The following TRAPPC10 variants were observed in gnomAD, a reference collection of about 807,000 sequenced individuals.
TRAPPC10 encodes the protein trafficking protein particle complex subunit 10.
A neutral mutation model predicts 125.5 loss-of-function variants in TRAPPC10; 23 were observed. The observed-to-expected ratio is 0.18, with a 90% CI of 0.13 to 0.26. TRAPPC10 has a LOEUF of 0.26. Ranked by LOEUF, TRAPPC10 falls within the 10% of genes least tolerant of loss-of-function variation. The pLI, the probability that TRAPPC10 is intolerant of heterozygous loss-of-function variation, is 1.00. For missense variants in TRAPPC10, 1,123 were observed against 1,308.4 expected (o/e 0.86, Z 2.19); for synonymous variants, 509 against 518.0 (o/e 0.98, Z 0.24).
rs2034099205 is a variant in TRAPPC10, at chr21:44,037,798, T to C, written c.156T>C (p.Tyr52=). The C allele has an allele frequency of 6.2e-7, 1 of 1,613,518 alleles. No homozygotes were observed. Among genetic ancestry groups the C allele is most frequent in the East Asian group, 2.2e-5 (1 of 44,886 alleles). Residue 52 remains tyrosine, a synonymous_variant, in exon 3 of 23, where the codon TAT becomes TAC. Coordinates refer to ENST00000291574, the MANE Select transcript of TRAPPC10 (RefSeq NM_003274.5). ...PREPMEWRRS[Y]GRAPKMIHLE... is the part of the protein sequence containing the mutation. ...TTCAAACAATTGTTTACAGGTCCTA[T>C]GGCCGGGCTCCGAAGATGATTCACC...
At chr21:44,052,508 T>C (rs1247262819) in intron 4 of TRAPPC10, 32 bp downstream of exon 4, 5 of 1,561,908 alleles carry the variant, frequency 3.2e-6, no homozygotes. Flanking sequence ...CCTCATTTGG[T>C]TAATACTTGA....
chr21:44,038,624 T>C (rs375173783), intron 3 of TRAPPC10, among the ~76,000 whole-genome samples: 8 of 152,150 alleles, frequency 5.3e-5, no homozygotes, highest in African/African-American at 1.7e-4. Context: ...ACTTCTTCTG[T>C]CGTGAACTAA....
intron 1 of TRAPPC10, among the ~76,000 whole-genome samples, chr21:44,017,748 T>G (rs2032032216): frequency 6.6e-6 from 1 of 152,010 alleles, no homozygotes; most frequent in African/African-American, 2.4e-5. Context: ...TTTTTTTTTT[T>G]TCTTCTTCTT....
chr21:44,024,377 A>T (rs553405122), intron 1 of TRAPPC10, among the ~76,000 whole-genome samples: 1 of 152,188 alleles, frequency 6.6e-6, no homozygotes, highest in Non-Finnish European at 1.5e-5. Context: ...GAGCATTTCT[A>T]ACAAATGCCC....
intron 1 of TRAPPC10, among the ~76,000 whole-genome samples, chr21:44,027,519 C>T (rs1352575239): frequency 1.3e-5 from 2 of 152,182 alleles, no homozygotes; most frequent in Non-Finnish European, 2.9e-5. Context: ...GGAAGGAGCA[C>T]TGGGCAGTAT....
At chr21:44,054,549 A>G (rs768366562) in intron 4 of TRAPPC10, among the ~76,000 whole-genome samples, 8 of 152,256 alleles carry the variant, frequency 5.3e-5, no homozygotes, top group Admixed American at 2.0e-4. Context: ...TTTATTAATC[A>G]TCTTTCTAGA....
intron 7 of TRAPPC10, among the ~76,000 whole-genome samples, chr21:44,072,662 T>C (rs1404806156): frequency 2.6e-5 from 4 of 152,036 alleles, no homozygotes; most frequent in African/African-American, 9.7e-5. Context: ...TGGGGTTTCA[T>C]CATATTGGTC....
rs757655518 is a variant in TRAPPC10 at position 44,084,257 on chromosome 21, C to T, written c.2374C>T (p.Leu792=). Residue 792 remains leucine (L), a synonymous_variant, in exon 15 of 23, where the codon CTG becomes TTG. Coordinates refer to ENST00000291574, the MANE Select transcript of TRAPPC10 (RefSeq NM_003274.5). ...SQEPQLHVEP[L]ADSLLAGIPQ... is the part of the protein sequence containing the mutation. The stretch of plus-strand genomic sequence containing the variant: ...GGAGCCCCAGCTGCACGTGGAGCCG[C>T]TGGCTGGTGAGTGGGGTCCCCAGCC... The T allele has an allele frequency of 2.5e-6, 4 of 1,613,454 alleles. No homozygotes were observed. The highest frequency in any genetic ancestry group is 3.4e-6 in the Non-Finnish European group (4 of 1,179,860).
At chr21:44,080,828 C>T (rs913981864) in intron 13 of TRAPPC10, among the ~76,000 whole-genome samples, 16 of 151,232 alleles carry the variant, frequency 1.1e-4, no homozygotes, top group Admixed American at 7.2e-4. Context: ...TGTGAGCCAC[C>T]GCACCCAGTC....
intron 12 of TRAPPC10, 105 bp from the exon 13 acceptor site, chr21:44,079,910 C>G (rs753660874): frequency 5.9e-5 from 68 of 1,154,616 alleles, no homozygotes; most frequent in Non-Finnish European, 6.6e-5. Context: ...AAAAAAAGCC[C>G]TTTGGCTTTT....
intron 3 of TRAPPC10, among the ~76,000 whole-genome samples, chr21:44,038,671 A>C (rs2034177421): frequency 6.6e-6 from 1 of 152,082 alleles, no homozygotes; most frequent in Non-Finnish European, 1.5e-5. Context: ...CTGTATTTTG[A>C]GTCAAATAAA....
intron 19 of TRAPPC10, among the ~76,000 whole-genome samples, chr21:44,093,296 A>G (rs2038708710): frequency 6.6e-6 from 1 of 150,482 alleles, no homozygotes; most frequent in African/African-American, 2.4e-5. Flanking sequence ...CATCTCTACA[A>G]ATACAAAAAT....
chr21:44,027,932 G>T (rs1449881500), intron 1 of TRAPPC10, among the ~76,000 whole-genome samples: 6 of 152,148 alleles, frequency 3.9e-5, no homozygotes. Context: ...CCTTGACTCA[G>T]ACTTACACCC....
intron 6 of TRAPPC10, among the ~76,000 whole-genome samples, chr21:44,061,692 T>C (rs1308341314): frequency 6.6e-6 from 1 of 152,260 alleles, no homozygotes; most frequent in African/African-American, 2.4e-5. Context: ...ATATTTACAC[T>C]GAGCACCAAA....
rs756711986 is a variant in TRAPPC10, at chr21:44,086,820, T to C, written c.2399T>C (p.Ile800Thr). ...CCTTTAGATAGCCTTCTGGCAGGCA[T>C]TCCTCAGAGAGTCAAGTTCACTGTC... The part of the protein sequence containing the change: ...EPLADSLLAG[I>T]PQRVKFTVTT... Residue 800 changes from isoleucine (I) to threonine (T), a missense_variant, in exon 16 of 23, where the codon ATT becomes ACT. Ile to Thr is a moderately conservative substitution (Grantham distance 89). Coordinates refer to ENST00000291574, the MANE Select transcript of TRAPPC10 (RefSeq NM_003274.5). The C allele has an allele frequency of 3.1e-6, 5 of 1,614,166 alleles. No homozygotes were observed. Among genetic ancestry groups the C allele is most frequent in the Non-Finnish European group, 4.2e-6 (5 of 1,180,020 alleles).
At chr21:44,046,615 G>A (rs949261666) in intron 3 of TRAPPC10, 15 of 199,086 alleles carry the variant, frequency 7.5e-5, no homozygotes, top group Non-Finnish European at 1.3e-4. Flanking sequence ...GGGTTCAAGC[G>A]ATTTTCCTGC....
Position 44,101,135 on chromosome 21 carries a change from A to C in TRAPPC10, c.3347-1643A>C, listed in dbSNP as rs2039043764. Among the ~76,000 whole-genome samples the C allele has an allele frequency of 2.8e-5, 2 of 72,552 alleles. 1 individual carries two copies. The highest frequency in any genetic ancestry group is 3.0e-4 in the Admixed American group (2 of 6,702). The allele number at this position is 72,552 out of a possible 152,430, so 47.6% of individuals were successfully genotyped here. A position where few individuals can be genotyped will look rare whatever the true frequency, so the allele number is the denominator to read the frequency against. On this transcript the variant is annotated intron_variant, in intron 21 of 22. Transcript: ENST00000291574. ...TGCGCCACTGCACTCCAGCCTGGGC[A>C]ACGAGCAAAACTCCGCCTCAACAAC...
chr21:44,043,931 C>T (rs760767720), intron 3 of TRAPPC10, among the ~76,000 whole-genome samples: 2 of 152,242 alleles, frequency 1.3e-5, no homozygotes, highest in Admixed American at 6.5e-5. Flanking sequence ...CCAGCCTCAA[C>T]ACGCCACTGA....
intron 1 of TRAPPC10, among the ~76,000 whole-genome samples, chr21:44,027,817 C>T (rs2033207560): frequency 6.6e-6 from 1 of 152,038 alleles, no homozygotes; most frequent in Admixed American, 6.6e-5. Context: ...GCTGGAGTCC[C>T]CACAAAAGGG....
Sources: gnomAD v4.1 joint callset for allele counts (sites outside exome capture counted in the v4.1 genomes callset) on GRCh38, gnomAD v4.1.1 for gene constraint, MANE v1.5 for transcripts, NCBI Gene and HGNC (gene_info 2026-07-23, HGNC 2026-07-21) for gene names.